LGSN: variants seen among roughly 807,000 people sequenced by gnomAD.
The protein encoded by LGSN is lengsin, lens protein with glutamine synthetase domain, also known as lengsin.
A neutral mutation model predicts 19.5 loss-of-function variants in LGSN; 21 were observed. That is an observed-to-expected ratio of 1.07 (90% CI 0.76 to 1.55). LGSN has a LOEUF of 1.55. Among genes scored for constraint, LGSN ranks in the 40% most tolerant of loss-of-function variants. The probability of loss-of-function intolerance (pLI) is 0.00; values close to 1 mark genes in which losing one functional copy is unlikely to be tolerated. For missense variants in LGSN, 673 were observed against 608.5 expected (o/e 1.11, Z -1.12); for synonymous variants, 257 against 215.6 (o/e 1.19, Z -1.68).
At chr6:63,400,102 T>G in the LGSN span, among the ~76,000 whole-genome samples, 10 of 152,222 alleles carry the variant, frequency 6.6e-5, no homozygotes, top group African/African-American at 2.4e-4. Flanking sequence ...CTTTTAATAT[T>G]CAGTATCGTG....
At chr6:63,416,831 G>A in the LGSN span, among the ~76,000 whole-genome samples, 2 of 152,070 alleles carry the variant, frequency 1.3e-5, no homozygotes, top group African/African-American at 2.4e-5. Flanking sequence ...GCCTCCCAAA[G>A]TGCTGGGATT....
At chr6:63,336,254 C>T in the LGSN span, among the ~76,000 whole-genome samples, 4 of 151,964 alleles carry the variant, frequency 2.6e-5, no homozygotes, top group South Asian at 6.2e-4. Flanking sequence ...ATGTACTAAA[C>T]GCACAGAAAT....
chr6:63,509,710 G>A, the LGSN span, among the ~76,000 whole-genome samples: 2 of 152,240 alleles, frequency 1.3e-5, no homozygotes, highest in South Asian at 2.1e-4. Context: ...CATTTAATAC[G>A]TTATAACAGT....
chr6:63,298,681 G>C (rs1430213020), intron 1 of LGSN, among the ~76,000 whole-genome samples: 4 of 152,072 alleles, frequency 2.6e-5, no homozygotes, highest in South Asian at 2.1e-4. Flanking sequence ...GGTCCCACAA[G>C]CTGCAAGTAC....
the LGSN span, among the ~76,000 whole-genome samples, chr6:63,356,322 G>T: frequency 6.6e-6 from 1 of 152,044 alleles, no homozygotes; most frequent in Admixed American, 6.6e-5. Context: ...GGAAGATCAC[G>T]TGAAGTCAGG....
chr6:63,427,217 T>C, the LGSN span, among the ~76,000 whole-genome samples: 1 of 151,876 alleles, frequency 6.6e-6, no homozygotes. Context: ...GCTAATTTTG[T>C]ATTTTTAGTA....
At chr6:63,528,527 C>T in the LGSN span, among the ~76,000 whole-genome samples, 1 of 151,958 alleles carries the variant, frequency 6.6e-6, no homozygotes, top group African/African-American at 2.4e-5. Flanking sequence ...GTGTTCAAGG[C>T]CAGCCTGGGC....
the LGSN span, among the ~76,000 whole-genome samples, chr6:63,372,229 G>C: frequency 6.6e-6 from 1 of 152,168 alleles, no homozygotes; most frequent in African/African-American, 2.4e-5. Context: ...CCGGGCTGTT[G>C]ACTATGTAGT....
At chr6:63,432,161 GAAAGAAAGAAAA>G in the LGSN span, among the ~76,000 whole-genome samples, 1,164 of 81,108 alleles carry the variant, frequency 0.014, 52 homozygotes, top group African/African-American at 0.035. Flanking sequence ...AAGAAAGAAA[GAAAGAAAGAAAA>G]GGAAAGAAAG....
At chr6:63,416,408 C>T in the LGSN span, among the ~76,000 whole-genome samples, 1 of 152,230 alleles carries the variant, frequency 6.6e-6, no homozygotes, top group East Asian at 1.9e-4. Context: ...TCAAGTAACT[C>T]AGTCTTTCTT....
At chr6:63,464,706 A>G in the LGSN span, among the ~76,000 whole-genome samples, 34 of 152,026 alleles carry the variant, frequency 2.2e-4, 1 homozygote, top group Admixed American at 2.1e-3. Flanking sequence ...TAAACTTTAA[A>G]TTTTATTAAA....
At chr6:63,340,061 T>A in the LGSN span, among the ~76,000 whole-genome samples, 1 of 150,486 alleles carries the variant, frequency 6.6e-6, no homozygotes, top group Admixed American at 6.6e-5. Context: ...TAGCAGGGTG[T>A]TTTTTTTTCT....
chr6:63,280,343 G>A lies in LGSN; in HGVS notation c.1208C>T (p.Thr403Ile). The A allele has an allele frequency of 6.2e-7, 1 of 1,614,102 alleles. No homozygotes were observed. Among genetic ancestry groups the A allele is most frequent in the South Asian group, 1.1e-5 (1 of 91,072 alleles). ...FNIKCHGEKG[T>I]RIENKLGSAT... ...TGAGCCTAGTTTATTTTCTATCCGG[G>A]TGCCTTTCTCTCCATGACATTTGAT... The change falls in exon 4 of 4, where the codon ACC becomes ATC. Residue 403 changes from threonine (T) to isoleucine (I), a missense_variant. Thr to Ile is a moderately conservative substitution (Grantham distance 89). Coordinates refer to ENST00000370657, the MANE Select transcript of LGSN (RefSeq NM_016571.3).
the LGSN span, among the ~76,000 whole-genome samples, chr6:63,423,654 T>A: frequency 2.0e-4 from 31 of 151,720 alleles, no homozygotes; most frequent in Non-Finnish European, 2.1e-4. Context: ...AAATAAATTA[T>A]GTAATAATAA....
At chr6:63,397,665 C>G in the LGSN span, among the ~76,000 whole-genome samples, 3 of 152,144 alleles carry the variant, frequency 2.0e-5, no homozygotes, top group Non-Finnish European at 4.4e-5. Flanking sequence ...CCTGTAATCC[C>G]AGCACTTTGG....
chr6:63,556,071 A>G, the LGSN span, among the ~76,000 whole-genome samples: 7 of 152,306 alleles, frequency 4.6e-5, no homozygotes, highest in East Asian at 1.4e-3. Flanking sequence ...TAAATTTCCA[A>G]AAAAATTACT....
intron 3 of LGSN, among the ~76,000 whole-genome samples, chr6:63,284,949 T>C (rs1767468150): frequency 6.6e-6 from 1 of 152,172 alleles, no homozygotes; most frequent in South Asian, 2.1e-4. Flanking sequence ...AGTACCGACC[T>C]GATGTCCCTT....
the LGSN span, among the ~76,000 whole-genome samples, chr6:63,476,100 GT>G: frequency 6.6e-6 from 1 of 151,720 alleles, no homozygotes; most frequent in East Asian, 1.9e-4. Flanking sequence ...TTGTTTTTTG[GT>G]TTTTTTTACT....
chr6:63,521,064 C>T, the LGSN span, among the ~76,000 whole-genome samples: 1 of 151,828 alleles, frequency 6.6e-6, no homozygotes, highest in East Asian at 1.9e-4. Flanking sequence ...AGGTGAACAT[C>T]ATATACTGGG....
Sources: allele counts gnomAD v4.1 joint callset (sites outside exome capture counted in the v4.1 genomes callset), GRCh38; gene constraint gnomAD v4.1.1; transcripts MANE v1.5; gene names NCBI Gene and HGNC (gene_info 2026-07-23, HGNC 2026-07-21).